The following NOL4 variants were observed in gnomAD, a reference collection of about 807,000 sequenced individuals.
NOL4 encodes the protein cancer/testis antigen 125.
Under a neutral mutation model 75.9 loss-of-function variants are expected in NOL4, and 17 were observed. The observed-to-expected ratio is 0.22, with a 90% CI of 0.15 to 0.34. The LOEUF is 0.34. NOL4 is among the 10% of genes least tolerant of loss of function. The probability of loss-of-function intolerance (pLI) is 1.00; values close to 1 mark genes in which losing one functional copy is unlikely to be tolerated. For missense variants in NOL4, 614 were observed against 793.5 expected, an observed-to-expected ratio of 0.77 and a Z score of 2.72; for synonymous variants, 292 against 289.9, an observed-to-expected ratio of 1.01 and a Z score of -0.07.
At chr18:34,113,871 G>A (rs1273059785) in intron 2 of NOL4, among the ~76,000 whole-genome samples, 1 of 152,050 alleles carries the variant, frequency 6.6e-6, no homozygotes, top group East Asian at 1.9e-4. Flanking sequence ...TGAAAGGCCT[G>A]TTCTCATTTG....
At chr18:34,035,316 T>C (rs933449401) in intron 5 of NOL4, among the ~76,000 whole-genome samples, 2 of 152,124 alleles carry the variant, frequency 1.3e-5, no homozygotes, top group Non-Finnish European at 2.9e-5. Flanking sequence ...AGTTAAACTT[T>C]GGAAACTTAT....
At chr18:34,071,066 T>TA (rs2077493897) in intron 5 of NOL4, among the ~76,000 whole-genome samples, 1 of 152,150 alleles carries the variant, frequency 6.6e-6, no homozygotes, top group South Asian at 2.1e-4. Context: ...AACAACAGTG[T>TA]ATATTTCAAG....
chr18:34,156,888 C>G (rs1376563428), intron 1 of NOL4, among the ~76,000 whole-genome samples: 1 of 152,102 alleles, frequency 6.6e-6, no homozygotes, highest in Non-Finnish European at 1.5e-5. Context: ...CAGAGTCATA[C>G]AAAATCTGTC....
At chr18:34,221,781 A>C (rs1235357577) in intron 1 of NOL4, among the ~76,000 whole-genome samples, 1 of 152,160 alleles carries the variant, frequency 6.6e-6, no homozygotes, top group East Asian at 1.9e-4. Context: ...CTTCCAAATA[A>C]TGCTTTAAAA....
rs2035840350 is a variant in NOL4 at position 34,202,962 on chromosome 18, T to C, written c.264+20028A>G. Among the ~76,000 whole-genome samples the C allele has an allele frequency of 2.0e-5, 3 of 152,136 alleles. No homozygotes were observed. In the South Asian group the frequency reaches 6.2e-4, roughly 31 times the overall value. On this transcript the variant is annotated intron_variant, in intron 1 of 10. Transcript: ENST00000261592. The stretch of plus-strand genomic sequence containing the variant: ...TTTAATTGAGAGAAATGAAAAGGTG[T>C]GCTCACACAAAATCCTGTACACAAA...
At chr18:33,886,590 G>T (rs1369554965) in intron 9 of NOL4, among the ~76,000 whole-genome samples, 4 of 150,318 alleles carry the variant, frequency 2.7e-5, no homozygotes, top group Non-Finnish European at 5.9e-5. Context: ...GTGCAACAGG[G>T]TGACTATAGT....
At chr18:34,214,667 T>C (rs968451594) in intron 1 of NOL4, among the ~76,000 whole-genome samples, 1 of 152,160 alleles carries the variant, frequency 6.6e-6, no homozygotes, top group Non-Finnish European at 1.5e-5. Flanking sequence ...TCTGTGTACA[T>C]ATCCAGAAAA....
chr18:33,922,055 A>G (rs534480829), intron 9 of NOL4, among the ~76,000 whole-genome samples: 1 of 152,318 alleles, frequency 6.6e-6, no homozygotes, highest in South Asian at 2.1e-4. Flanking sequence ...TGCTGCAGCT[A>G]TGTTGCTACT....
chr18:34,215,468 C>T (rs2036820641), intron 1 of NOL4, among the ~76,000 whole-genome samples: 1 of 152,058 alleles, frequency 6.6e-6, no homozygotes, highest in Non-Finnish European at 1.5e-5. Context: ...CTGATGGCTT[C>T]AAGAAATATT....
chr18:34,173,445 A>T (rs2033239628), intron 1 of NOL4, among the ~76,000 whole-genome samples: 1 of 152,136 alleles, frequency 6.6e-6, no homozygotes, highest in Admixed American at 6.5e-5. Context: ...GGATATGTTA[A>T]CTTGACTATA....
intron 1 of NOL4, among the ~76,000 whole-genome samples, chr18:34,157,549 GA>G (rs1349842867): frequency 6.6e-6 from 1 of 151,038 alleles, no homozygotes; most frequent in Non-Finnish European, 1.5e-5. Context: ...CACAGATTTA[GA>G]AGACAAGAAA....
At chr18:34,109,764 CTT>C (rs1395036080) in intron 2 of NOL4, among the ~76,000 whole-genome samples, 1 of 151,512 alleles carries the variant, frequency 6.6e-6, no homozygotes. Context: ...ATTGACAAAA[CTT>C]TACCTAGACC....
intron 8 of NOL4, among the ~76,000 whole-genome samples, chr18:33,944,514 G>T (rs547741108): frequency 1.3e-5 from 2 of 151,944 alleles, no homozygotes; most frequent in Admixed American, 1.3e-4. Flanking sequence ...CCCCTCCAAA[G>T]TAGCCTCTGG....
intron 9 of NOL4, among the ~76,000 whole-genome samples, chr18:33,932,789 A>G (rs2067787738): frequency 6.6e-6 from 1 of 151,962 alleles, no homozygotes; most frequent in Non-Finnish European, 1.5e-5. Flanking sequence ...ACCTGGAGAA[A>G]TTTTTTCAAC....
At chr18:34,195,039 AAG>A (rs1555755102) in intron 1 of NOL4, among the ~76,000 whole-genome samples, 2 of 151,642 alleles carry the variant, frequency 1.3e-5, no homozygotes, top group African/African-American at 4.8e-5. Flanking sequence ...AAAAAAAAAA[AAG>A]AAAGAAAAGA....
Position 33,896,678 on chromosome 18 carries a change from C to T in NOL4, c.1543-13254G>A, listed in dbSNP as rs967916893. On this transcript the variant is annotated intron_variant, in intron 9 of 10. Transcript: ENST00000261592. ...AAATTATCCAAGCCTTGGAAGACAA[C>T]TTAGGCAATATAATCCTGGACATAT... 3.9e-5 allele frequency among the ~76,000 whole-genome samples: 6 copies of T among 152,214 alleles called. No individual in the cohort carries two copies. The East Asian group carries it at 7.7e-4, about 20-fold the overall frequency.
chr18:34,043,492 T>C lies in NOL4; in HGVS notation c.773-23891A>G, dbSNP rs1175462555. On this transcript the variant is annotated intron_variant, in intron 5 of 10. Coordinates refer to ENST00000261592, the MANE Select transcript of NOL4 (RefSeq NM_003787.5). ...AAAAAACAATAAAAATAATTTTTTC[T>C]TCACCTATTCTTGTAGGATACAAGA... is the stretch of plus-strand genomic sequence containing the variant. 2.6e-5 allele frequency among the ~76,000 whole-genome samples: 4 copies of C among 152,066 alleles called. No homozygotes were observed. In the East Asian group the frequency reaches 5.8e-4, roughly 22 times the overall value.
chr18:34,008,475 A>G (rs2074183706), intron 6 of NOL4, among the ~76,000 whole-genome samples: 1 of 151,954 alleles, frequency 6.6e-6, no homozygotes, highest in African/African-American at 2.4e-5. Flanking sequence ...CAGTGATAAT[A>G]TCTTAGTTAA....
At chr18:34,005,143 A>G (rs796585732) in intron 6 of NOL4, among the ~76,000 whole-genome samples, 2 of 152,264 alleles carry the variant, frequency 1.3e-5, no homozygotes, top group African/African-American at 4.8e-5. Context: ...GAATCCTTTT[A>G]CTACATGTTT....
Sources: gnomAD v4.1 joint callset for allele counts (sites outside exome capture counted in the v4.1 genomes callset) on GRCh38, gnomAD v4.1.1 for gene constraint, MANE v1.5 for transcripts, NCBI Gene and HGNC (gene_info 2026-07-23, HGNC 2026-07-21) for gene names.